Variants in PLCB1 observed in about 807,000 individuals in gnomAD.
PLCB1 encodes the protein phospholipase C beta 1, also known as 1-phosphatidylinositol 4,5-bisphosphate phosphodiesterase beta-1.
PLCB1 carries 46 observed loss-of-function variants against 161.8 expected under a neutral mutation model. That is an observed-to-expected ratio of 0.28 (90% CI 0.22 to 0.36). The LOEUF is 0.36. Among genes scored for constraint, PLCB1 ranks in the 10% least tolerant of loss-of-function variants. The pLI is 1.00. For synonymous variants in PLCB1, 517 were observed against 503.7 expected (o/e 1.03, Z -0.35); for missense variants, 1,016 against 1,472.5 (o/e 0.69, Z 5.07).
intron 27 of PLCB1, among the ~76,000 whole-genome samples, chr20:8,775,791 C>T (rs181926808): frequency 1.3e-5 from 2 of 152,134 alleles, no homozygotes; most frequent in African/African-American, 2.4e-5. Context: ...CAACAGATCT[C>T]TCGTAGGGCT....
At chr20:8,640,805 G>C (rs1007997463) in intron 4 of PLCB1, among the ~76,000 whole-genome samples, 1 of 152,194 alleles carries the variant, frequency 6.6e-6, no homozygotes, top group African/African-American at 2.4e-5. Flanking sequence ...AACTTCAACA[G>C]AAACAAACAT....
chr20:8,841,643 A>G (rs993921258), intron 31 of PLCB1, among the ~76,000 whole-genome samples: 1 of 150,954 alleles, frequency 6.6e-6, no homozygotes, highest in Non-Finnish European at 1.5e-5. Context: ...CTCCTGACTT[A>G]TATCTCCACT....
intron 2 of PLCB1, among the ~76,000 whole-genome samples, chr20:8,356,785 A>C (rs552896959): frequency 6.6e-6 from 1 of 152,322 alleles, no homozygotes; most frequent in Non-Finnish European, 1.5e-5. Flanking sequence ...GATGGGGCCT[A>C]TAAGGAGACC....
intron 3 of PLCB1, among the ~76,000 whole-genome samples, chr20:8,487,735 C>A (rs182007690): frequency 6.6e-6 from 1 of 152,108 alleles, no homozygotes; most frequent in African/African-American, 2.4e-5. Context: ...GATAAAGGGG[C>A]GGTGGTGCAA....
intron 2 of PLCB1, among the ~76,000 whole-genome samples, chr20:8,289,106 G>A (rs998638182): frequency 6.6e-6 from 1 of 152,128 alleles, no homozygotes; most frequent in Non-Finnish European, 1.5e-5. Context: ...CTCAGATCCT[G>A]GCTTTTTCAA....
chr20:8,196,087 A>T (rs1933478773), intron 2 of PLCB1, among the ~76,000 whole-genome samples: 1 of 152,026 alleles, frequency 6.6e-6, no homozygotes, highest in Non-Finnish European at 1.5e-5. Context: ...TCAAAAGAAC[A>T]GCATGGGGGA....
intron 26 of PLCB1, 100 bp downstream of exon 26, chr20:8,765,458 A>G: frequency 1.2e-6 from 1 of 824,388 alleles, no homozygotes; most frequent in Non-Finnish European, 1.9e-6. Flanking sequence ...GTACCATGGC[A>G]AGAAAACCAC....
At chr20:8,805,287 G>A (rs867279684) in intron 31 of PLCB1, among the ~76,000 whole-genome samples, 16 of 152,070 alleles carry the variant, frequency 1.1e-4, no homozygotes, top group East Asian at 1.9e-4. Context: ...ACTGTAGAGC[G>A]AGATATAAAA....
intron 7 of PLCB1, chr20:8,653,445 A>G (rs1989372725): frequency 6.6e-6 from 1 of 151,974 alleles, no homozygotes; most frequent in South Asian, 2.1e-4. Context: ...TCCGTTCATT[A>G]TGAGTGATTT....
intron 23 of PLCB1, among the ~76,000 whole-genome samples, chr20:8,754,317 A>G (rs983787048): frequency 6.6e-6 from 1 of 151,962 alleles, no homozygotes; most frequent in African/African-American, 2.4e-5. Context: ...ACCTAATGCA[A>G]ATCTAAAAAT....
At chr20:8,261,048 C>T (rs967658857) in intron 2 of PLCB1, among the ~76,000 whole-genome samples, 1 of 152,182 alleles carries the variant, frequency 6.6e-6, no homozygotes, top group Non-Finnish European at 1.5e-5. Context: ...CAGAGGTCTC[C>T]AAGGGATCGG....
intron 3 of PLCB1, among the ~76,000 whole-genome samples, chr20:8,395,067 T>C (rs965315692): frequency 6.6e-6 from 1 of 152,120 alleles, no homozygotes; most frequent in Admixed American, 6.6e-5. Context: ...AAATTAGTCA[T>C]TTTGTATCTG....
intron 3 of PLCB1, among the ~76,000 whole-genome samples, chr20:8,479,239 C>T (rs1042891994): frequency 4.6e-5 from 7 of 152,062 alleles, no homozygotes; most frequent in Non-Finnish European, 1.0e-4. Context: ...AGGTGCAAGC[C>T]ATCAAAGTGT....
At chr20:8,515,279 C>A (rs1984062697) in intron 3 of PLCB1, among the ~76,000 whole-genome samples, 2 of 152,132 alleles carry the variant, frequency 1.3e-5, no homozygotes, top group African/African-American at 4.8e-5. Context: ...TTCATTATAA[C>A]AGCAGTTTTA....
chr20:8,165,397 T>C (rs1048706369), intron 2 of PLCB1, among the ~76,000 whole-genome samples: 4 of 152,178 alleles, frequency 2.6e-5, no homozygotes, highest in African/African-American at 9.7e-5. Flanking sequence ...CCATTTTGCA[T>C]TGAGGAAACT....
intron 11 of PLCB1, among the ~76,000 whole-genome samples, chr20:8,706,458 A>G (rs1471637912): frequency 1.3e-5 from 2 of 152,204 alleles, no homozygotes; most frequent in Non-Finnish European, 2.9e-5. Context: ...CTCGGGACCT[A>G]TTTTGGACAA....
chr20:8,780,601 C>G (rs1355874789), intron 27 of PLCB1, among the ~76,000 whole-genome samples: 3 of 152,166 alleles, frequency 2.0e-5, no homozygotes, highest in Non-Finnish European at 2.9e-5. Flanking sequence ...GCAATCATTT[C>G]AGGACCCCAA....
chr20:8,629,129 C>G (rs912366772), intron 4 of PLCB1, among the ~76,000 whole-genome samples: 2 of 152,092 alleles, frequency 1.3e-5, no homozygotes, highest in African/African-American at 4.8e-5. Flanking sequence ...CTTCAGCCCT[C>G]TTTAAACTTC....
intron 3 of PLCB1, among the ~76,000 whole-genome samples, chr20:8,519,080 C>T (rs2122876294): frequency 6.6e-6 from 1 of 152,228 alleles, no homozygotes; most frequent in African/African-American, 2.4e-5. Flanking sequence ...TCACCTCCTG[C>T]TGTGCAGCCT....
Sources: allele counts gnomAD v4.1 joint callset (sites outside exome capture counted in the v4.1 genomes callset), GRCh38; gene constraint gnomAD v4.1.1; transcripts MANE v1.5; gene names NCBI Gene and HGNC (gene_info 2026-07-23, HGNC 2026-07-21).